The following NSMCE2 variants were observed in gnomAD, a reference collection of about 807,000 sequenced individuals.
The protein encoded by NSMCE2 is NSE2 SUMO ligase component of SMC5/6 complex.
Under a neutral mutation model 23.8 loss-of-function variants are expected in NSMCE2, and 24 were observed. That is an observed-to-expected ratio of 1.01 (90% CI 0.73 to 1.42). The LOEUF (loss-of-function observed/expected upper bound fraction) is 1.42. Among genes scored for constraint, NSMCE2 ranks in the 40% most tolerant of loss-of-function variants. The probability of loss-of-function intolerance (pLI) is 0.00; values close to 1 mark genes in which losing one functional copy is unlikely to be tolerated. For synonymous variants in NSMCE2, 92 were observed against 94.1 expected (o/e 0.98, Z 0.13); for missense variants, 284 against 296.5 (o/e 0.96, Z 0.31).
In NSMCE2 at chr8:125,268,675, C is replaced by G. The variant is rs559698174; in HGVS notation, c.418+86419C>G. ...GTTTCAGCAGAAACAAAAGAGAGAGCTGAGATGCACATACACCCATTGCCT... is the reference window on the plus strand; with the variant it reads ...GTTTCAGCAGAAACAAAAGAGAGAGGTGAGATGCACATACACCCATTGCCT... On this transcript the variant is annotated intron_variant, in intron 5 of 7. Coordinates refer to ENST00000287437, the MANE Select transcript of NSMCE2 (RefSeq NM_173685.4). Among the ~76,000 whole-genome samples, 14 of 152,256 alleles carry G rather than the reference C, an allele frequency of 9.2e-5. No individual in the cohort carries two copies. In the East Asian group the frequency reaches 2.3e-3, roughly 25 times the overall value.
chr8:125,331,627 A>C (rs1829881683), intron 5 of NSMCE2, among the ~76,000 whole-genome samples: 1 of 152,072 alleles, frequency 6.6e-6, no homozygotes, highest in African/African-American at 2.4e-5. Flanking sequence ...CTTTTTATAC[A>C]CTTTTCTCTT....
chr8:125,231,770 T>G (rs1825332728), intron 5 of NSMCE2, among the ~76,000 whole-genome samples: 1 of 152,172 alleles, frequency 6.6e-6, no homozygotes, highest in African/African-American at 2.4e-5. Flanking sequence ...GGGAAAACAC[T>G]TAACTGTAGC....
intron 5 of NSMCE2, among the ~76,000 whole-genome samples, chr8:125,190,153 A>G (rs1247653088): frequency 6.6e-6 from 1 of 152,180 alleles, no homozygotes; most frequent in East Asian, 1.9e-4. Context: ...CAAATTTTTT[A>G]TTCTTTGAGT....
intron 5 of NSMCE2, among the ~76,000 whole-genome samples, chr8:125,304,752 G>A (rs1224180613): frequency 2.0e-5 from 3 of 151,956 alleles, no homozygotes; most frequent in African/African-American, 7.3e-5. Context: ...AGCTGCTTGG[G>A]AGACTGAGGC....
intron 5 of NSMCE2, among the ~76,000 whole-genome samples, chr8:125,304,780 A>T (rs999223898): frequency 2.0e-5 from 3 of 151,504 alleles, no homozygotes; most frequent in Non-Finnish European, 2.9e-5. Flanking sequence ...CTCATCACTG[A>T]TTCTCATCAA....
intron 5 of NSMCE2, among the ~76,000 whole-genome samples, chr8:125,235,846 A>G (rs1825524621): frequency 6.6e-6 from 1 of 152,096 alleles, no homozygotes; most frequent in African/African-American, 2.4e-5. Context: ...TGCATATTTC[A>G]CTATTTTTGC....
intron 3 of NSMCE2, among the ~76,000 whole-genome samples, chr8:125,111,910 A>G (rs952228591): frequency 3.9e-5 from 6 of 152,196 alleles, no homozygotes; most frequent in African/African-American, 9.6e-5. Flanking sequence ...TGGATTTTTC[A>G]CTGTGTTGTG....
chr8:125,268,794 T>G (rs1474013242), intron 5 of NSMCE2, among the ~76,000 whole-genome samples: 1 of 152,106 alleles, frequency 6.6e-6, no homozygotes. Flanking sequence ...GAAGTAATTT[T>G]AGGAAGAGTG....
At chr8:125,272,014 C>CTT (rs563967898) in intron 5 of NSMCE2, among the ~76,000 whole-genome samples, 7,524 of 130,100 alleles carry the variant, frequency 0.058, 485 homozygotes, top group African/African-American at 0.14. Flanking sequence ...CAGTTTCTTT[C>CTT]TTTTTTTTTT....
At chr8:125,111,125 C>G (rs1818723932) in intron 3 of NSMCE2, among the ~76,000 whole-genome samples, 2 of 152,104 alleles carry the variant, frequency 1.3e-5, no homozygotes, top group African/African-American at 2.4e-5. Flanking sequence ...CTTTTTAGAT[C>G]TAGTTCCTTT....
intron 5 of NSMCE2, among the ~76,000 whole-genome samples, chr8:125,349,060 CACAG>C (rs1294711721): frequency 5.0e-5 from 7 of 139,370 alleles, no homozygotes; most frequent in South Asian, 4.4e-4. Flanking sequence ...CACACACACA[CACAG>C]AGCTCTTAAT....
At chr8:125,326,683 C>A (rs1829675714) in intron 5 of NSMCE2, among the ~76,000 whole-genome samples, 1 of 151,676 alleles carries the variant, frequency 6.6e-6, no homozygotes, top group South Asian at 2.1e-4. Flanking sequence ...GGGCCAGGCG[C>A]AATGGCTCAC....
intron 5 of NSMCE2, among the ~76,000 whole-genome samples, chr8:125,209,101 T>G (rs148898678): frequency 6.6e-5 from 10 of 152,316 alleles, no homozygotes; most frequent in African/African-American, 2.4e-4. Flanking sequence ...CATGCACCAC[T>G]GTGACCAATT....
At chr8:125,227,180 G>A (rs928609042) in intron 5 of NSMCE2, among the ~76,000 whole-genome samples, 1 of 152,098 alleles carries the variant, frequency 6.6e-6, no homozygotes, top group Non-Finnish European at 1.5e-5. Context: ...CTCAAATTGG[G>A]GGGCAGCCTC....
chr8:125,188,675 G>A (rs1194913879), intron 5 of NSMCE2, among the ~76,000 whole-genome samples: 4 of 152,064 alleles, frequency 2.6e-5, no homozygotes, highest in East Asian at 1.9e-4. Context: ...AATGAGAGAC[G>A]GCAGCCGTTT....
At chr8:125,269,864 A>G (rs1199368131) in intron 5 of NSMCE2, among the ~76,000 whole-genome samples, 3 of 152,232 alleles carry the variant, frequency 2.0e-5, no homozygotes, top group South Asian at 2.1e-4. Context: ...AAAGTAAGCT[A>G]AACATAACTT....
chr8:125,265,086 A>G (rs2131063137), intron 5 of NSMCE2, among the ~76,000 whole-genome samples: 1 of 152,262 alleles, frequency 6.6e-6, no homozygotes, highest in East Asian at 1.9e-4. Flanking sequence ...ATACAGTTCA[A>G]CAGGGCCAGG....
rs566106221 is a variant in NSMCE2 at position 125,282,051 on chromosome 8, A to G, written c.419-75168A>G. ...GAGCTAGAGAGCAAATACCCTGTGTAGTGTTGCATCTTCCAGTTTTTCTAG... is the reference window on the plus strand; with the variant it reads ...GAGCTAGAGAGCAAATACCCTGTGTGGTGTTGCATCTTCCAGTTTTTCTAG... On this transcript the variant is annotated intron_variant, in intron 5 of 7. Coordinates refer to ENST00000287437, the MANE Select transcript of NSMCE2 (RefSeq NM_173685.4). Among the ~76,000 whole-genome samples the G allele has an allele frequency of 2.6e-5, 4 of 152,216 alleles. No individual in the cohort carries two copies. In the South Asian group the frequency reaches 8.3e-4, roughly 32 times the overall value.
rs999444398 is a variant in NSMCE2 at position 125,227,271 on chromosome 8, G to A, written c.418+45015G>A. Among the ~76,000 whole-genome samples, 50 of 152,074 alleles carry A rather than the reference G, an allele frequency of 3.3e-4. 1 individual carries two copies. Among genetic ancestry groups the A allele is most frequent in the Non-Finnish European group, 2.2e-4 (15 of 67,988 alleles). On this transcript the variant is annotated intron_variant, in intron 5 of 7. Transcript: ENST00000287437. The stretch of plus-strand genomic sequence containing the variant: ...GTAGAGATTTTATGAATGGTAGCTC[G>A]GTGTCTCCATCAGTGGTAGCTGATG...
Sources: allele counts gnomAD v4.1 joint callset (sites outside exome capture counted in the v4.1 genomes callset), GRCh38; gene constraint gnomAD v4.1.1; transcripts MANE v1.5; gene names NCBI Gene and HGNC (gene_info 2026-07-23, HGNC 2026-07-21).